RGL1: variants seen among roughly 807,000 people sequenced by gnomAD.
The protein encoded by RGL1 is ral guanine nucleotide dissociation stimulator like 1.
A neutral mutation model predicts 95.2 loss-of-function variants in RGL1; 24 were observed. That is an observed-to-expected ratio of 0.25 (90% confidence interval 0.18 to 0.35). The LOEUF is 0.35. Among genes scored for constraint, RGL1 ranks in the 10% least tolerant of loss-of-function variants. The probability of loss-of-function intolerance (pLI) is 1.00; values close to 1 mark genes in which losing one functional copy is unlikely to be tolerated. For missense variants in RGL1, 715 were observed against 936.3 expected (o/e 0.76, Z 3.08); for synonymous variants, 329 against 344.9 (o/e 0.95, Z 0.51).
chr1:183,811,724 T>C (rs1661728749), intron 2 of RGL1, among the ~76,000 whole-genome samples: 1 of 152,190 alleles, frequency 6.6e-6, no homozygotes, highest in Non-Finnish European at 1.5e-5. Flanking sequence ...TAGGAATATG[T>C]GACATGTAAT....
chr1:183,801,355 T>C (rs1323444650), upstream of RGL1, among the ~76,000 whole-genome samples: 1 of 152,166 alleles, frequency 6.6e-6, no homozygotes. Context: ...GGTTTTTTTT[T>C]CTATTCAGTT....
Position 183,728,810 on chromosome 1 carries a change from C to T in RGL1, c.-32-13316C>T, listed in dbSNP as rs183590190. 6.6e-5 allele frequency among the ~76,000 whole-genome samples: 10 copies of T among 152,270 alleles called. No homozygotes were observed. The East Asian group carries it at 1.7e-3, about 26-fold the overall frequency. On this transcript the variant is annotated intron_variant, in intron 1 of 18. Coordinates refer to the RGL1 transcript ENST00000304685. ...GACACATAGATCAATTAAACACAATCGAGAACCCAGAAATAGACGAGCATG... is the reference window on the plus strand; with the variant it reads ...GACACATAGATCAATTAAACACAATTGAGAACCCAGAAATAGACGAGCATG...
At chr1:183,761,402 C>A (rs1271511257) in intron 2 of RGL1, among the ~76,000 whole-genome samples, 1 of 152,174 alleles carries the variant, frequency 6.6e-6, no homozygotes, top group Admixed American at 6.5e-5. Context: ...CTTGGGTGAC[C>A]AGCCACATTG....
chr1:183,847,467 A>G, intron 2 of RGL1, 99 bp from the exon 3 acceptor site: 1 of 957,768 alleles, frequency 1.0e-6, no homozygotes, highest in Non-Finnish European at 1.6e-6. Context: ...TAAGAATGAG[A>G]GGAAACATAA....
At chr1:183,773,015 CAAAAAAAAAAAAAAAAAAAAA>C (rs60100787) in intron 2 of RGL1, among the ~76,000 whole-genome samples, 1 of 72,408 alleles carries the variant, frequency 1.4e-5, no homozygotes, top group Admixed American at 1.7e-4. Flanking sequence ...GACTCCGTCT[CAAAAAAAAAAAAAAAAAAAAA>C]AAAAAAAAAA....
At chr1:183,684,708 C>G (rs1572272975) in intron 1 of RGL1, among the ~76,000 whole-genome samples, 1 of 152,280 alleles carries the variant, frequency 6.6e-6, no homozygotes, top group East Asian at 1.9e-4. Context: ...AACCCAGGGC[C>G]CTGGTGGTGT....
intron 3 of RGL1, among the ~76,000 whole-genome samples, chr1:183,857,193 G>C (rs369373260): frequency 6.6e-6 from 1 of 152,152 alleles, no homozygotes; most frequent in Non-Finnish European, 1.5e-5. Context: ...TCAGATAGAT[G>C]CTATGTTGCT....
chr1:183,681,416 G>T (rs932245854), intron 1 of RGL1, among the ~76,000 whole-genome samples: 1 of 152,136 alleles, frequency 6.6e-6, no homozygotes, highest in Non-Finnish European at 1.5e-5. Context: ...GGCCTTTTCT[G>T]CATCTATTGA....
intron 1 of RGL1, among the ~76,000 whole-genome samples, chr1:183,679,732 G>A (rs1653080962): frequency 6.6e-6 from 1 of 152,166 alleles, no homozygotes; most frequent in Non-Finnish European, 1.5e-5. Flanking sequence ...TGTATATCCA[G>A]TAATGGGATT....
chr1:183,747,015 A>G (rs190883915), intron 2 of RGL1, among the ~76,000 whole-genome samples: 2,041 of 152,210 alleles, frequency 0.013, 45 homozygotes, highest in African/African-American at 0.047. Flanking sequence ...ATTGTATTCC[A>G]TGGTGTATAT....
At chr1:183,782,128 A>T (rs776389475) in intron 2 of RGL1, among the ~76,000 whole-genome samples, 22 of 152,284 alleles carry the variant, frequency 1.4e-4, no homozygotes, top group Non-Finnish European at 1.6e-4. Context: ...CCAGAAAAGG[A>T]TGTGGGTTCT....
At chr1:183,861,975 T>C (rs1221372173) in intron 3 of RGL1, among the ~76,000 whole-genome samples, 3 of 152,116 alleles carry the variant, frequency 2.0e-5, no homozygotes, top group African/African-American at 7.2e-5. Context: ...GCCTGAACAT[T>C]TAAAGAGTTC....
chr1:183,831,338 A>G (rs974406217), intron 2 of RGL1, among the ~76,000 whole-genome samples: 3 of 152,158 alleles, frequency 2.0e-5, no homozygotes, highest in African/African-American at 7.2e-5. Context: ...GAACTGAAGG[A>G]AGGCCAGTGT....
intron 1 of RGL1, chr1:183,648,698 G>A: frequency 3.1e-6 from 5 of 1,614,122 alleles, no homozygotes; most frequent in South Asian, 2.2e-5. Flanking sequence ...GACAATTAGA[G>A]CAATCGAGAG....
intron 1 of RGL1, among the ~76,000 whole-genome samples, chr1:183,660,262 C>T (rs1466007199): frequency 6.6e-6 from 1 of 152,042 alleles, no homozygotes; most frequent in Non-Finnish European, 1.5e-5. Flanking sequence ...CACAGACTGG[C>T]AAATTGGATA....
At chr1:183,785,505 G>A (rs972463077) in intron 2 of RGL1, among the ~76,000 whole-genome samples, 3 of 152,046 alleles carry the variant, frequency 2.0e-5, no homozygotes, top group Non-Finnish European at 4.4e-5. Context: ...TTATTTTTGA[G>A]GTCCTATTAT....
intron 2 of RGL1, among the ~76,000 whole-genome samples, chr1:183,763,346 CCTGCACGTT>C (rs961268353): frequency 3.3e-5 from 5 of 152,026 alleles, no homozygotes; most frequent in Non-Finnish European, 5.9e-5. Context: ...ATATAACAAA[CCTGCACGTT>C]CTGCACATGT....
intron 2 of RGL1, among the ~76,000 whole-genome samples, chr1:183,844,933 A>G (rs1343936917): frequency 3.9e-5 from 6 of 152,226 alleles, no homozygotes; most frequent in Non-Finnish European, 8.8e-5. Context: ...GCGGTTTGAC[A>G]TGATGACATT....
intron 12 of RGL1, among the ~76,000 whole-genome samples, chr1:183,903,929 G>A (rs1053654034): frequency 6.6e-6 from 1 of 152,164 alleles, no homozygotes; most frequent in African/African-American, 2.4e-5. Flanking sequence ...TGAGACCAAG[G>A]GCCGAGGTCA....
Sources: allele counts gnomAD v4.1 joint callset (sites outside exome capture counted in the v4.1 genomes callset), GRCh38; gene constraint gnomAD v4.1.1; transcripts MANE v1.5; gene names NCBI Gene and HGNC (gene_info 2026-07-23, HGNC 2026-07-21).